The following ABHD5 variants were observed in gnomAD, a reference collection of about 807,000 sequenced individuals.
ABHD5 encodes abhydrolase domain containing 5, lysophosphatidic acid acyltransferase, also known as 1-acylglycerol-3-phosphate O-acyltransferase ABHD5.
Under a neutral mutation model 44.9 loss-of-function variants are expected in ABHD5, and 30 were observed. That is an observed-to-expected ratio of 0.67 (90% CI 0.50 to 0.91). The LOEUF is 0.91. ABHD5 is among the 40% of genes least tolerant of loss of function. The pLI, the probability that ABHD5 is intolerant of heterozygous loss-of-function variation, is 0.00. For missense variants in ABHD5, 399 were observed against 423.4 expected, an observed-to-expected ratio of 0.94 and a Z score of 0.50; for synonymous variants, 167 against 147.0, an observed-to-expected ratio of 1.14 and a Z score of -0.99.
chr3:43,711,713 A>G lies in ABHD5; in HGVS notation c.511A>G (p.Asn171Asp). The change falls in exon 4 of 7, where the codon AAT becomes GAT. Residue 171 changes from asparagine (N) to aspartate (D), a missense_variant. Transcript: ENST00000644371. The stretch of plus-strand genomic sequence containing the variant: ...ATATATTCTTTCCCCCAACAGGGTT[A>G]ATCATCTCATTTTAGTGGAGCCTTG... ...AYSLKYPSRV[N>D]HLILVEPWGF... is the part of the protein sequence containing the mutation. 1 of 1,614,038 alleles carries G rather than the reference A, an allele frequency of 6.2e-7. No homozygotes were observed. Among genetic ancestry groups the G allele is most frequent in the Non-Finnish European group, 8.5e-7 (1 of 1,179,882 alleles).
intron 7 of ABHD5, among the ~76,000 whole-genome samples, chr3:43,728,217 T>C (rs1395743397): frequency 6.6e-6 from 1 of 152,140 alleles, no homozygotes; most frequent in African/African-American, 2.4e-5. Context: ...TGCTGAAAAT[T>C]TTTACTATGC....
intron 1 of ABHD5, chr3:43,691,587 G>A (rs2084386830): frequency 6.6e-6 from 1 of 152,486 alleles, no homozygotes; most frequent in South Asian, 2.1e-4. Flanking sequence ...CGCTTCCTTG[G>A]AGGGGATATT....
intron 1 of ABHD5, among the ~76,000 whole-genome samples, chr3:43,697,970 A>G (rs2084493965): frequency 6.6e-6 from 1 of 152,208 alleles, no homozygotes; most frequent in African/African-American, 2.4e-5. Context: ...AATCCCCTGG[A>G]TTGTGAGTGA....
chr3:43,696,111 C>G (rs1305320485), intron 1 of ABHD5, among the ~76,000 whole-genome samples: 1 of 152,152 alleles, frequency 6.6e-6, no homozygotes, highest in African/African-American at 2.4e-5. Flanking sequence ...TAAGCTTTCC[C>G]CATGTCATAG....
intron 2 of ABHD5, among the ~76,000 whole-genome samples, chr3:43,700,494 GT>G (rs1272286550): frequency 1.3e-5 from 2 of 151,922 alleles, no homozygotes; most frequent in South Asian, 2.1e-4. Flanking sequence ...TAATGAATTT[GT>G]TTGTGCATTT....
Position 43,721,173 on chromosome 3 carries a change from A to G in ABHD5, c.*2641A>G, listed in dbSNP as rs1022305857. ...AGAAAGTCTAGGAATTTAGTACATGATAAAGCATCTCATTCAGAGAAAAAG... is the reference window on the plus strand; with the variant it reads ...AGAAAGTCTAGGAATTTAGTACATGGTAAAGCATCTCATTCAGAGAAAAAG... On this transcript the variant is annotated 3_prime_UTR_variant, in exon 7 of 7. Transcript: ENST00000644371. 2 of 152,186 alleles carry G rather than the reference A, an allele frequency of 1.3e-5. No homozygotes were observed. Among genetic ancestry groups the G allele is most frequent in the Admixed American group, 6.5e-5 (1 of 15,270 alleles). The allele number at this position is 152,186 out of a possible 1,614,324, so 9.4% of individuals were successfully genotyped here. A position where few individuals can be genotyped will look rare whatever the true frequency, so the allele number is the denominator to read the frequency against.
In ABHD5 at chr3:43,719,044, G is replaced by A. The variant is rs2084803524; in HGVS notation, c.*512G>A. The A allele has an allele frequency of 6.5e-6, 1 of 154,692 alleles. No individual in the cohort carries two copies. The highest frequency in any genetic ancestry group is 1.9e-4 in the East Asian group (1 of 5,248). The allele number at this position is 154,692 out of a possible 1,614,324, so 9.6% of individuals were successfully genotyped here. The stretch of plus-strand genomic sequence containing the variant: ...TCAGTTGTTTAGAATATTTCACTTT[G>A]TTTTTGAAACGGAGTGACAAGGCAG... On this transcript the variant is annotated 3_prime_UTR_variant, in exon 7 of 7. Coordinates refer to ENST00000644371, the MANE Select transcript of ABHD5 (RefSeq NM_016006.6).
At chr3:43,713,035 A>G in intron 4 of ABHD5, among the ~76,000 whole-genome samples, 1 of 152,116 alleles carries the variant, frequency 6.6e-6, no homozygotes, top group East Asian at 1.9e-4. Context: ...GATGCGTTCT[A>G]ACCAGGTGCT....
chr3:43,702,604 G>C lies in ABHD5; in HGVS notation c.506+17G>C, dbSNP rs767121885. 2 of 1,614,136 alleles carry C rather than the reference G, an allele frequency of 1.2e-6. No individual in the cohort carries two copies. Among genetic ancestry groups the C allele is most frequent in the Non-Finnish European group, 8.5e-7 (1 of 1,179,986 alleles). On this transcript the variant is annotated intron_variant, in intron 3 of 6. Transcript: ENST00000644371. The stretch of plus-strand genomic sequence containing the variant: ...CCCATCAAGGTAAGTGGTGGTGACA[G>C]AAGAGAGGGATTATAACTGTGCTTC...
chr3:43,716,596 C>T (rs771074908), intron 5 of ABHD5, among the ~76,000 whole-genome samples: 1 of 152,036 alleles, frequency 6.6e-6, no homozygotes, highest in Non-Finnish European at 1.5e-5. Context: ...GGTTCTCTGC[C>T]AAGAGTGAGG....
intron 7 of ABHD5, among the ~76,000 whole-genome samples, chr3:43,731,763 C>CG (rs1470290840): frequency 6.6e-6 from 1 of 151,896 alleles, no homozygotes; most frequent in Non-Finnish European, 1.5e-5. Flanking sequence ...ACCCGGGAGA[C>CG]GGGAGGTTGT....
chr3:43,708,274 C>G (rs770808346), intron 3 of ABHD5, among the ~76,000 whole-genome samples: 2 of 152,200 alleles, frequency 1.3e-5, no homozygotes, highest in Non-Finnish European at 2.9e-5. Flanking sequence ...CATGTGCTAT[C>G]TGGTTGGACC....
At chr3:43,729,078 C>G (rs974702043) in intron 7 of ABHD5, among the ~76,000 whole-genome samples, 1 of 152,186 alleles carries the variant, frequency 6.6e-6, no homozygotes, top group African/African-American at 2.4e-5. Context: ...TGTGGTGACT[C>G]TAACCATAAC....
downstream of ABHD5, among the ~76,000 whole-genome samples, chr3:43,723,754 A>T (rs1172144334): frequency 6.6e-6 from 1 of 150,886 alleles, no homozygotes; most frequent in Non-Finnish European, 1.5e-5. Flanking sequence ...GCTGCAAAAT[A>T]AAAGTGTTAA....
chr3:43,727,137 G>T (rs754582081), downstream of ABHD5, among the ~76,000 whole-genome samples: 1 of 152,150 alleles, frequency 6.6e-6, no homozygotes, highest in Non-Finnish European at 1.5e-5. Context: ...GAAGCCAGAA[G>T]GGCTGTTGGT....
At chr3:43,701,845 T>C (rs1246035683) in intron 2 of ABHD5, 1 of 169,650 alleles carries the variant, frequency 5.9e-6, no homozygotes, top group East Asian at 1.6e-4. Flanking sequence ...ATTCTACAAA[T>C]TCTCTGCAAA....
chr3:43,711,581 C>T, intron 3 of ABHD5, 128 bp from the exon 4 acceptor site: 2 of 990,286 alleles, frequency 2.0e-6, no homozygotes, highest in Non-Finnish European at 3.1e-6. Context: ...ATCTATTTAG[C>T]ACTAATCTTT....
At chr3:43,715,885 G>C (rs2084756579) in intron 5 of ABHD5, among the ~76,000 whole-genome samples, 1 of 152,172 alleles carries the variant, frequency 6.6e-6, no homozygotes, top group Middle Eastern at 3.2e-3. Context: ...GATGCTATGT[G>C]TATTTTTCAA....
downstream of ABHD5, among the ~76,000 whole-genome samples, chr3:43,725,863 T>G (rs545809145): frequency 9.5e-4 from 145 of 151,976 alleles, 1 homozygote; most frequent in African/African-American, 3.4e-3. Flanking sequence ...TTTTTTTGTT[T>G]TTTTGTTTTT....
Sources: allele counts gnomAD v4.1 joint callset (sites outside exome capture counted in the v4.1 genomes callset), GRCh38; gene constraint gnomAD v4.1.1; transcripts MANE v1.5; gene names NCBI Gene and HGNC (gene_info 2026-07-23, HGNC 2026-07-21).